CCNI: variants seen among roughly 807,000 people sequenced by gnomAD.
The protein encoded by CCNI is cyclin-I.
A neutral mutation model predicts 34.1 loss-of-function variants in CCNI; 14 were observed. That is an observed-to-expected ratio of 0.41 (90% CI 0.27 to 0.64). CCNI has a LOEUF of 0.64. Ranked by LOEUF, CCNI falls within the 30% of genes least tolerant of loss-of-function variation. The pLI, the probability that CCNI is intolerant of heterozygous loss-of-function variation, is 0.31. For missense variants in CCNI, 385 were observed against 440.5 expected, an observed-to-expected ratio of 0.87 and a Z score of 1.13; for synonymous variants, 154 against 158.4, an observed-to-expected ratio of 0.97 and a Z score of 0.21.
At chr4:77,058,814 T>C (rs920067510) in intron 2 of CCNI, among the ~76,000 whole-genome samples, 179 bp from the exon 3 acceptor site, 3 of 152,146 alleles carry the variant, frequency 2.0e-5, no homozygotes, top group African/African-American at 7.2e-5. Flanking sequence ...ATTATCACAT[T>C]TAATATCAAT....
intron 3 of CCNI, 151 bp downstream of exon 3, chr4:77,058,356 G>A (rs1165681307): frequency 4.0e-6 from 2 of 503,862 alleles, no homozygotes; most frequent in Admixed American, 3.9e-5. Flanking sequence ...AATAGCAGAA[G>A]ACATCACCAT....
At chr4:77,075,988 AGGGGAAGAGAGG>A (rs1250152698) in exon 1 of CCNI, 1 of 149,862 alleles carries the variant, frequency 6.7e-6, no homozygotes, top group African/African-American at 2.5e-5. Flanking sequence ...CTGGGGAGGG[AGGGGAAGAGAGG>A]GGAAGGGAGG....
chr4:77,056,746 GCCCAGCTAA>G lies in CCNI; in HGVS notation c.244-432_244-424del, dbSNP rs555076801. ...CTGCTACTACAACGCCCGCCACCAC[GCCCAGCTAA>G]TTTTTTTTTGTATTTTTAGTAGAGA... On this transcript the variant is annotated intron_variant, in intron 3 of 6. Coordinates refer to ENST00000237654, the MANE Select transcript of CCNI (RefSeq NM_006835.3). Among the ~76,000 whole-genome samples, 957 of 151,894 alleles carry G rather than the reference GCCCAGCTAA, an allele frequency of 6.3e-3. 10 individuals carry two copies. Among genetic ancestry groups the G allele is most frequent in the Non-Finnish European group, 0.011 (775 of 67,958 alleles).
Position 77,055,171 on chromosome 4 carries a change from A to C in CCNI, c.669T>G (p.Ile223Met). 6.2e-7 allele frequency: 1 copy of C among 1,612,986 alleles called. No individual in the cohort carries two copies. The highest frequency in any genetic ancestry group is 8.5e-7 in the Non-Finnish European group (1 of 1,178,914). Reference protein sequence around the residue: ...KLIPDWLSLTIELLQKAQMDS... With the variant: ...KLIPDWLSLTMELLQKAQMDS... ...CTACCTGTGCTTTCTGAAGCAGTTC[A>C]ATTGTAAGAGAAAGCCAATCAGGAA... Residue 223 changes from isoleucine (I) to methionine (M), a missense_variant, in exon 6 of 7, where the codon ATT becomes ATG. This residue lies in a region of CCNI where 250 missense variants were observed against 248.7 expected (regional missense o/e 1.01). Coordinates refer to ENST00000237654, the MANE Select transcript of CCNI (RefSeq NM_006835.3).
rs1195501245 is a variant in CCNI at position 77,047,984 on chromosome 4, TA to T, written c.*234del. The T allele has an allele frequency of 1.6e-5, 6 of 379,308 alleles. No individual in the cohort carries two copies. The highest frequency in any genetic ancestry group is 4.1e-5 in the Admixed American group (1 of 24,328). The allele number at this position is 379,308 out of a possible 1,614,324, so 23.5% of individuals were successfully genotyped here. A position where few individuals can be genotyped will look rare whatever the true frequency, so the allele number is the denominator to read the frequency against. On this transcript the variant is annotated 3_prime_UTR_variant, in exon 7 of 7. Transcript: ENST00000237654. ...ATACTACAAAGAGATTTTTTAAGTT[TA>T]AAAAAAGTTTGGATCTTTTGGATTT...
intron 6 of CCNI, among the ~76,000 whole-genome samples, chr4:77,053,459 C>T (rs1237289684): frequency 6.6e-6 from 1 of 152,016 alleles, no homozygotes; most frequent in Non-Finnish European, 1.5e-5. Context: ...AAAAAAGTTT[C>T]AGTGAATACT....
intron 1 of CCNI, among the ~76,000 whole-genome samples, chr4:77,072,637 T>C (rs1301172496): frequency 1.5e-4 from 12 of 79,108 alleles, no homozygotes; most frequent in Middle Eastern, 6.3e-3. Context: ...ACCCAATCTC[T>C]TAAAAAAAAA....
Position 77,048,105 on chromosome 4 carries a change from C to T in CCNI, c.*114G>A, listed in dbSNP as rs1377232189. 14 of 681,706 alleles carry T rather than the reference C, an allele frequency of 2.1e-5. No individual in the cohort carries two copies. The highest frequency in any genetic ancestry group is 1.1e-4 in the Admixed American group (4 of 35,560). 42.2% of individuals were successfully genotyped at this position (681,706 alleles called of 1,614,324 possible). A position where few individuals can be genotyped will look rare whatever the true frequency, so the allele number is the denominator to read the frequency against. On this transcript the variant is annotated 3_prime_UTR_variant, in exon 7 of 7. Coordinates refer to ENST00000237654, the MANE Select transcript of CCNI (RefSeq NM_006835.3). ...AGTTTTATTTTTTTTTTCTGGCTCA[C>T]TCCAAATCAGCCTGTTAAGGTATAT...
In CCNI at chr4:77,055,989, T is replaced by C; in HGVS notation, c.432A>G (p.Thr144=). The change falls in exon 5 of 7, where the codon ACA becomes ACG. Residue 144 remains threonine, a synonymous_variant. Coordinates refer to ENST00000237654, the MANE Select transcript of CCNI (RefSeq NM_006835.3). The part of the protein sequence containing the change: ...ILDKLNWDLH[T]ATPLDFLHIF... ...TATGAAGAAAATCCAATGGTGTGGC[T>C]GTGTGAAGATCCCAATTCAACTTAT... 6.2e-7 allele frequency: 1 copy of C among 1,613,264 alleles called. No homozygotes were observed. Among genetic ancestry groups the C allele is most frequent in the East Asian group, 2.2e-5 (1 of 44,834 alleles).
At position 77,071,145 on chromosome 4, in the gene CCNI, A is replaced by C. The variant is rs1337434853; in HGVS notation, c.-44+4327T>G. Among the ~76,000 whole-genome samples, 5 of 152,360 alleles carry C rather than the reference A, an allele frequency of 3.3e-5. No homozygotes were observed. The East Asian group carries it at 9.6e-4, about 29-fold the overall frequency. ...AGAAAGAGACACATAAAGTAGAATC[A>C]TGTAAAAAGAAGTAAATCAGGTTCA... On this transcript the variant is annotated intron_variant, in intron 1 of 6. Coordinates refer to ENST00000237654, the MANE Select transcript of CCNI (RefSeq NM_006835.3).
chr4:77,052,431 G>T (rs958521286), intron 6 of CCNI, among the ~76,000 whole-genome samples: 1 of 152,148 alleles, frequency 6.6e-6, no homozygotes, highest in African/African-American at 2.4e-5. Flanking sequence ...GCTAAGGAGA[G>T]AAAGAGGTTT....
chr4:77,073,364 A>G (rs1320907577), intron 1 of CCNI, among the ~76,000 whole-genome samples: 1 of 152,226 alleles, frequency 6.6e-6, no homozygotes, highest in Non-Finnish European at 1.5e-5. Context: ...TCCTCTGAGG[A>G]AAAGTGCTGC....
At position 77,066,376 on chromosome 4, in the gene CCNI, T is replaced by G. The variant is rs1305512297; in HGVS notation, c.-14A>C. The G allele has an allele frequency of 6.2e-7, 1 of 1,613,848 alleles. No individual in the cohort carries two copies. The highest frequency in any genetic ancestry group is 1.1e-5 in the South Asian group (1 of 91,064). On this transcript the variant is annotated 5_prime_UTR_variant, in exon 2 of 7. Transcript: ENST00000237654. ...TGGAAACTTCATGATATCCTTTGGA[T>G]CTGCCTGCTACCCAGCTTGCTGTAG...
In CCNI at chr4:77,075,681, C is replaced by G; in HGVS notation, c.-253G>C. ...GGCGCTGGCGCTCGAGCGGGACGCA[C>G]GGCTGCGGCCGCTGGGTCGGTCAGC... On this transcript the variant is annotated 5_prime_UTR_variant, in exon 1 of 7. Transcript: ENST00000237654. 5 of 507,642 alleles carry G rather than the reference C, an allele frequency of 9.8e-6. No individual in the cohort carries two copies. The South Asian group carries it at 4.1e-4, about 42-fold the overall frequency. The allele number at this position is 507,642 out of a possible 1,614,324, so 31.4% of individuals were successfully genotyped here.
intron 2 of CCNI, among the ~76,000 whole-genome samples, chr4:77,061,989 C>T (rs1025383369): frequency 2.6e-5 from 4 of 152,106 alleles, no homozygotes; most frequent in African/African-American, 9.7e-5. Context: ...TCTCTAACCT[C>T]GGACATCTTC....
chr4:77,070,553 T>G (rs1729384889), intron 1 of CCNI, among the ~76,000 whole-genome samples: 1 of 151,828 alleles, frequency 6.6e-6, no homozygotes, highest in Non-Finnish European at 1.5e-5. Context: ...AAGGTCATCC[T>G]GTTATATTCT....
At chr4:77,064,540 G>A (rs967156787) in intron 2 of CCNI, among the ~76,000 whole-genome samples, 2 of 150,094 alleles carry the variant, frequency 1.3e-5, no homozygotes, top group African/African-American at 2.5e-5. Context: ...TTTGCTAAAT[G>A]ACTTGAATTC....
At chr4:77,059,233 T>C (rs4252863) in intron 2 of CCNI, among the ~76,000 whole-genome samples, 12 of 152,216 alleles carry the variant, frequency 7.9e-5, no homozygotes, top group African/African-American at 2.6e-4. Flanking sequence ...AAAACATTAT[T>C]GTTTTATTGT....
At chr4:77,049,777 A>G (rs191861635) in intron 6 of CCNI, among the ~76,000 whole-genome samples, 1 of 152,224 alleles carries the variant, frequency 6.6e-6, no homozygotes. Context: ...ATTATAGACT[A>G]CAAGACCAAA....
Sources: allele counts gnomAD v4.1 joint callset (sites outside exome capture counted in the v4.1 genomes callset), GRCh38; gene constraint gnomAD v4.1.1; regional missense constraint gnomAD v4.1.1; transcripts MANE v1.5; gene names NCBI Gene and HGNC (gene_info 2026-07-23, HGNC 2026-07-21).